Variants in PTPRM observed in about 807,000 individuals in gnomAD.
The protein encoded by PTPRM is receptor-type tyrosine-protein phosphatase mu.
A neutral mutation model predicts 186.7 loss-of-function variants in PTPRM; 47 were observed. That is an observed-to-expected ratio of 0.25 (90% CI 0.20 to 0.32). The LOEUF (loss-of-function observed/expected upper bound fraction) is 0.32. Among genes scored for constraint, PTPRM ranks in the 10% least tolerant of loss-of-function variants. PTPRM has a pLI of 1.00. For synonymous variants in PTPRM, 668 were observed against 674.9 expected (o/e 0.99, Z 0.16); for missense variants, 1,494 against 1,865.0 (o/e 0.80, Z 3.66).
At chr18:7,906,674 G>C in intron 4 of PTPRM, 91 bp downstream of exon 4, 1 of 1,069,856 alleles carries the variant, frequency 9.3e-7, no homozygotes, top group Non-Finnish European at 1.4e-6. Flanking sequence ...CCTGTGAAGA[G>C]GTCATCTTGC....
chr18:8,033,424 A>T (rs529332166), intron 7 of PTPRM, among the ~76,000 whole-genome samples: 1 of 152,154 alleles, frequency 6.6e-6, no homozygotes, highest in Non-Finnish European at 1.5e-5. Context: ...GTCTTTCACC[A>T]TTTCATGGTT....
chr18:7,919,764 T>G (rs1172483285), intron 4 of PTPRM, among the ~76,000 whole-genome samples: 3 of 152,156 alleles, frequency 2.0e-5, no homozygotes, highest in African/African-American at 7.2e-5. Flanking sequence ...TAATGTTTCT[T>G]TGTTGACTTT....
intron 1 of PTPRM, among the ~76,000 whole-genome samples, chr18:7,598,860 A>T (rs1029562484): frequency 6.7e-6 from 1 of 150,090 alleles, no homozygotes; most frequent in South Asian, 2.1e-4. Context: ...ATTTAAGGTG[A>T]TTCATACCCA....
chr18:7,834,489 T>TGTACACACACACACACAC, intron 2 of PTPRM, among the ~76,000 whole-genome samples: 1 of 3,796 alleles, frequency 2.6e-4, no homozygotes, highest in Non-Finnish European at 6.0e-4. Flanking sequence ...AATATACAAG[T>TGTACACACACACACACAC]ATACACACAC....
At chr18:7,920,792 G>A (rs1241689170) in intron 4 of PTPRM, among the ~76,000 whole-genome samples, 2 of 152,040 alleles carry the variant, frequency 1.3e-5, no homozygotes, top group African/African-American at 4.8e-5. Context: ...ATCTAATAGT[G>A]ATGAATTTTC....
intron 1 of PTPRM, among the ~76,000 whole-genome samples, chr18:7,722,535 T>G (rs2040467322): frequency 6.6e-6 from 1 of 152,052 alleles, no homozygotes; most frequent in East Asian, 1.9e-4. Flanking sequence ...AAATAAAATG[T>G]GGGTAAATTC....
At chr18:8,045,464 C>T (rs1304226045) in intron 7 of PTPRM, among the ~76,000 whole-genome samples, 1 of 152,174 alleles carries the variant, frequency 6.6e-6, no homozygotes, top group African/African-American at 2.4e-5. Flanking sequence ...TATGTCTACC[C>T]GGTGGAATAT....
intron 7 of PTPRM, among the ~76,000 whole-genome samples, chr18:8,038,380 ATTTTTT>A (rs10708528): frequency 8.0e-6 from 1 of 124,388 alleles, no homozygotes; most frequent in Non-Finnish European, 1.6e-5. Context: ...TAGCTTTTAG[ATTTTTT>A]TTTTTTTTTT....
chr18:8,306,354 T>A (rs2095221725), intron 20 of PTPRM, among the ~76,000 whole-genome samples: 2 of 152,200 alleles, frequency 1.3e-5, no homozygotes, highest in Admixed American at 1.3e-4. Context: ...TTTGTGCAGA[T>A]GCATGTGAGT....
At chr18:8,103,226 C>T (rs893355959) in intron 11 of PTPRM, among the ~76,000 whole-genome samples, 4 of 152,172 alleles carry the variant, frequency 2.6e-5, no homozygotes, top group East Asian at 1.9e-4. Context: ...AGCATGAGCC[C>T]GTAACACAAG....
chr18:7,863,592 T>G (rs1403416053), intron 2 of PTPRM, among the ~76,000 whole-genome samples: 1 of 152,226 alleles, frequency 6.6e-6, no homozygotes, highest in Non-Finnish European at 1.5e-5. Flanking sequence ...CTTTATCCTG[T>G]CTATCACTGA....
intron 1 of PTPRM, among the ~76,000 whole-genome samples, chr18:7,635,983 C>G (rs1287559645): frequency 6.6e-6 from 1 of 152,146 alleles, no homozygotes; most frequent in East Asian, 1.9e-4. Flanking sequence ...CTTATTTGGC[C>G]ATTTGTTTGG....
intron 1 of PTPRM, among the ~76,000 whole-genome samples, chr18:7,661,069 G>A (rs1230095448): frequency 6.6e-6 from 1 of 152,224 alleles, no homozygotes; most frequent in Non-Finnish European, 1.5e-5. Flanking sequence ...TCAGGCTACA[G>A]CAGAAATATG....
At chr18:7,704,950 A>T (rs1037229822) in intron 1 of PTPRM, among the ~76,000 whole-genome samples, 1 of 152,166 alleles carries the variant, frequency 6.6e-6, no homozygotes, top group Non-Finnish European at 1.5e-5. Context: ...AAATTATGTG[A>T]GGCCTTTGAA....
intron 3 of PTPRM, among the ~76,000 whole-genome samples, chr18:7,890,898 G>C (rs2049038323): frequency 6.6e-6 from 1 of 151,868 alleles, no homozygotes; most frequent in African/African-American, 2.4e-5. Flanking sequence ...GGATTAAACA[G>C]GTATAAAGCA....
At chr18:7,758,091 C>T (rs2041593760) in intron 1 of PTPRM, among the ~76,000 whole-genome samples, 2 of 150,628 alleles carry the variant, frequency 1.3e-5, no homozygotes, top group African/African-American at 5.0e-5. Context: ...GAACGGGACT[C>T]AATATTCATG....
chr18:8,304,696 T>C (rs1472814965), intron 20 of PTPRM, among the ~76,000 whole-genome samples: 1 of 152,186 alleles, frequency 6.6e-6, no homozygotes, highest in South Asian at 2.1e-4. Context: ...AGAAACTTTG[T>C]ACACTGTGGA....
At chr18:8,329,555 C>T (rs2095399802) in intron 22 of PTPRM, among the ~76,000 whole-genome samples, 1 of 152,160 alleles carries the variant, frequency 6.6e-6, no homozygotes, top group Admixed American at 6.5e-5. Context: ...AAAGTGCTGG[C>T]TTCCCCGTGC....
At chr18:7,778,161 T>A (rs1394417572) in intron 2 of PTPRM, among the ~76,000 whole-genome samples, 2 of 152,214 alleles carry the variant, frequency 1.3e-5, no homozygotes, top group African/African-American at 2.4e-5. Flanking sequence ...AACCACATTT[T>A]AAAAAATTAA....
Sources: gnomAD v4.1 joint callset for allele counts (sites outside exome capture counted in the v4.1 genomes callset) on GRCh38, gnomAD v4.1.1 for gene constraint, MANE v1.5 for transcripts, NCBI Gene and HGNC (gene_info 2026-07-23, HGNC 2026-07-21) for gene names.